KCND2: variants seen among roughly 807,000 people sequenced by gnomAD.
KCND2 encodes potassium voltage-gated channel subfamily D member 2.
In KCND2, 16 loss-of-function variants were observed where a neutral mutation model predicts 54.4. The ratio of observed to expected loss-of-function variants is 0.29; its 90% CI spans 0.20 to 0.45. The LOEUF is 0.45. Among genes scored for constraint, KCND2 ranks in the 20% least tolerant of loss-of-function variants. The probability of loss-of-function intolerance (pLI) is 1.00; values close to 1 mark genes in which losing one functional copy is unlikely to be tolerated. For missense variants in KCND2, 486 were observed against 824.2 expected (o/e 0.59, Z 5.02); for synonymous variants, 317 against 310.7 (o/e 1.02, Z -0.21).
At chr7:120,561,690 C>A (rs2116411226) in intron 1 of KCND2, among the ~76,000 whole-genome samples, 1 of 134,016 alleles carries the variant, frequency 7.5e-6, no homozygotes, top group East Asian at 2.3e-4. Context: ...CGGCTCACTG[C>A]ATCCTTCGCC....
At chr7:120,468,710 T>A (rs1802413587) in intron 1 of KCND2, among the ~76,000 whole-genome samples, 1 of 152,180 alleles carries the variant, frequency 6.6e-6, no homozygotes, top group African/African-American at 2.4e-5. Context: ...AACATTGAAT[T>A]GGTTCCACTG....
At chr7:120,553,804 A>G (rs1792129595) in intron 1 of KCND2, among the ~76,000 whole-genome samples, 1 of 152,198 alleles carries the variant, frequency 6.6e-6, no homozygotes, top group African/African-American at 2.4e-5. Flanking sequence ...TACAGGAGAA[A>G]ACGAGATTTC....
At chr7:120,730,324 G>A (rs1792789484) in intron 1 of KCND2, among the ~76,000 whole-genome samples, 1 of 152,072 alleles carries the variant, frequency 6.6e-6, no homozygotes, top group Non-Finnish European at 1.5e-5. Flanking sequence ...TATAAAATAT[G>A]ACTGGACATT....
intron 1 of KCND2, among the ~76,000 whole-genome samples, chr7:120,632,999 A>C (rs973284222): frequency 6.6e-6 from 1 of 152,208 alleles, no homozygotes; most frequent in African/African-American, 2.4e-5. Flanking sequence ...AACCTGCAAC[A>C]ATTCTCAGAA....
intron 1 of KCND2, among the ~76,000 whole-genome samples, chr7:120,663,953 G>C (rs947391566): frequency 1.3e-5 from 2 of 152,286 alleles, no homozygotes; most frequent in Middle Eastern, 3.4e-3. Context: ...ATTTGCATAG[G>C]AGAAAAGAGG....
At chr7:120,540,735 G>A (rs1033245129) in intron 1 of KCND2, among the ~76,000 whole-genome samples, 3 of 151,972 alleles carry the variant, frequency 2.0e-5, no homozygotes, top group Non-Finnish European at 2.9e-5. Context: ...TGGATAAGTC[G>A]ATCAAAATAA....
intron 1 of KCND2, among the ~76,000 whole-genome samples, chr7:120,397,853 C>T (rs560564617): frequency 1.9e-3 from 289 of 151,150 alleles, no homozygotes; most frequent in African/African-American, 6.1e-3. Flanking sequence ...TAGAGTTAAA[C>T]AATTTAAATT....
At chr7:120,700,027 CAA>C (rs1459719766) in intron 1 of KCND2, among the ~76,000 whole-genome samples, 1 of 151,996 alleles carries the variant, frequency 6.6e-6, no homozygotes, top group Non-Finnish European at 1.5e-5. Flanking sequence ...AGAATCAGGA[CAA>C]GAGCTCTCAT....
At position 120,727,438 on chromosome 7, in the gene KCND2, T is replaced by A. The variant is rs552028822; in HGVS notation, c.1116-5465T>A. Among the ~76,000 whole-genome samples the A allele has an allele frequency of 2.0e-3, 298 of 152,322 alleles. 3 individuals carry two copies. The highest frequency in any genetic ancestry group is 9.5e-3 in the South Asian group (46 of 4,828). On this transcript the variant is annotated intron_variant, in intron 1 of 5. Coordinates refer to ENST00000331113, the MANE Select transcript of KCND2 (RefSeq NM_012281.3). ...TGGATGAATGGATGCATTGTCTGCC[T>A]GAATTAATCAGATTTCATGAGATTT...
chr7:120,614,219 G>A (rs1239373824), intron 1 of KCND2, among the ~76,000 whole-genome samples: 4 of 152,174 alleles, frequency 2.6e-5, no homozygotes, highest in African/African-American at 7.2e-5. Flanking sequence ...CGCCATGTTG[G>A]CGAGGCTGGT....
At chr7:120,665,468 A>G (rs1791914954) in intron 1 of KCND2, among the ~76,000 whole-genome samples, 1 of 152,012 alleles carries the variant, frequency 6.6e-6, no homozygotes, top group African/African-American at 2.4e-5. Flanking sequence ...GTTTTATTTT[A>G]CCGAGTTGAA....
intron 1 of KCND2, among the ~76,000 whole-genome samples, chr7:120,389,711 TC>T (rs1801044836): frequency 6.6e-6 from 1 of 151,990 alleles, no homozygotes; most frequent in African/African-American, 2.4e-5. Context: ...ATATTTAAAT[TC>T]TACCATTTTA....
chr7:120,464,786 AGCCACCT>A (rs1443256751), intron 1 of KCND2, among the ~76,000 whole-genome samples: 1 of 152,142 alleles, frequency 6.6e-6, no homozygotes, highest in Non-Finnish European at 1.5e-5. Flanking sequence ...TGCTCCTGGA[AGCCACCT>A]GCCTTCTTTC....
chr7:120,309,313 C>T (rs1249204499), intron 1 of KCND2, among the ~76,000 whole-genome samples: 4 of 151,878 alleles, frequency 2.6e-5, no homozygotes, highest in Non-Finnish European at 4.4e-5. Context: ...ACAGAGGTGA[C>T]GCACCATACT....
chr7:120,544,095 A>G (rs1216138979), intron 1 of KCND2, among the ~76,000 whole-genome samples: 1 of 152,022 alleles, frequency 6.6e-6, no homozygotes, highest in Non-Finnish European at 1.5e-5. Context: ...CATTAGAATT[A>G]ATGGGAAAAT....
At chr7:120,303,752 C>G (rs1799615659) in intron 1 of KCND2, among the ~76,000 whole-genome samples, 1 of 152,156 alleles carries the variant, frequency 6.6e-6, no homozygotes, top group Non-Finnish European at 1.5e-5. Context: ...TACTCTCATT[C>G]TGAATGTGTA....
chr7:120,604,859 C>T (rs984107815), intron 1 of KCND2, among the ~76,000 whole-genome samples: 1 of 151,966 alleles, frequency 6.6e-6, no homozygotes. Flanking sequence ...TTCTGGTATA[C>T]CTTTGATGTG....
At chr7:120,276,773 GAA>G (rs1004636821) in intron 1 of KCND2, among the ~76,000 whole-genome samples, 5 of 152,094 alleles carry the variant, frequency 3.3e-5, no homozygotes, top group African/African-American at 1.2e-4. Context: ...TTAAACTGCA[GAA>G]AAGTAGCAGC....
intron 1 of KCND2, among the ~76,000 whole-genome samples, chr7:120,286,258 C>G (rs1394443309): frequency 6.6e-6 from 1 of 151,776 alleles, no homozygotes; most frequent in Non-Finnish European, 1.5e-5. Flanking sequence ...AATGTGTACT[C>G]AAATCTGCAT....
Sources: allele counts gnomAD v4.1 joint callset (sites outside exome capture counted in the v4.1 genomes callset), GRCh38; gene constraint gnomAD v4.1.1; transcripts MANE v1.5; gene names NCBI Gene and HGNC (gene_info 2026-07-23, HGNC 2026-07-21).